CNTN5: variants seen among roughly 807,000 people sequenced by gnomAD.
CNTN5 encodes the protein contactin 5.
CNTN5 carries 77 observed loss-of-function variants against 129.1 expected under a neutral mutation model. The observed-to-expected ratio is 0.60, with a 90% confidence interval of 0.50 to 0.72. The LOEUF (loss-of-function observed/expected upper bound fraction) is 0.72, where lower values mean the gene tolerates loss of function less well. CNTN5 is among the 30% of genes least tolerant of loss of function. The pLI, the probability that CNTN5 is intolerant of heterozygous loss-of-function variation, is 0.00. For missense variants in CNTN5, 1,478 were observed against 1,328.8 expected (o/e 1.11, Z -1.75); for synonymous variants, 509 against 465.6 (o/e 1.09, Z -1.20).
At chr11:99,108,362 G>A (rs939931028) in intron 1 of CNTN5, among the ~76,000 whole-genome samples, 1 of 152,040 alleles carries the variant, frequency 6.6e-6, no homozygotes, top group Admixed American at 6.5e-5. Flanking sequence ...CCTCTCCTTG[G>A]TTATTTTATT....
intron 1 of CNTN5, among the ~76,000 whole-genome samples, chr11:99,263,294 C>G (rs577435612): frequency 9.9e-5 from 15 of 152,134 alleles, no homozygotes; most frequent in Admixed American, 9.8e-4. Flanking sequence ...AAAAACTATC[C>G]TTTTGAAAAG....
intron 24 of CNTN5, among the ~76,000 whole-genome samples, chr11:100,354,881 G>T (rs540110414): frequency 6.6e-6 from 1 of 151,672 alleles, no homozygotes; most frequent in Non-Finnish European, 1.5e-5. Flanking sequence ...TAAAAAAATG[G>T]TATACCTCTA....
At chr11:99,411,016 T>C (rs1346893960) in intron 2 of CNTN5, among the ~76,000 whole-genome samples, 2 of 152,238 alleles carry the variant, frequency 1.3e-5, no homozygotes, top group African/African-American at 4.8e-5. Context: ...AGAGATTATC[T>C]GAACTTTCAT....
intron 14 of CNTN5, among the ~76,000 whole-genome samples, chr11:100,191,894 T>G (rs988120355): frequency 6.6e-6 from 1 of 152,024 alleles, no homozygotes; most frequent in Admixed American, 6.6e-5. Context: ...AAAACCTATC[T>G]TAGGCAGTCC....
chr11:100,258,264 G>A (rs945525155), intron 17 of CNTN5, among the ~76,000 whole-genome samples: 78 of 152,062 alleles, frequency 5.1e-4, no homozygotes, highest in African/African-American at 1.9e-3. Flanking sequence ...AACAAACAAA[G>A]CCTCCAGCAA....
At chr11:99,185,724 AGT>A (rs1858311906) in intron 1 of CNTN5, among the ~76,000 whole-genome samples, 2 of 151,828 alleles carry the variant, frequency 1.3e-5, no homozygotes, top group Admixed American at 6.6e-5. Flanking sequence ...TGGAGCTGAA[AGT>A]GTATATTTTT....
intron 21 of CNTN5, among the ~76,000 whole-genome samples, chr11:100,335,827 T>C (rs1343673616): frequency 1.3e-5 from 2 of 152,088 alleles, no homozygotes; most frequent in East Asian, 1.9e-4. Flanking sequence ...ACAGGTATTA[T>C]ATGAGTCAGA....
At chr11:99,072,783 G>A (rs1221487728) in intron 1 of CNTN5, among the ~76,000 whole-genome samples, 1 of 152,068 alleles carries the variant, frequency 6.6e-6, no homozygotes, top group Non-Finnish European at 1.5e-5. Flanking sequence ...ACCATTCAAT[G>A]AATGTTTACA....
At chr11:100,191,095 G>GAA (rs3031278) in intron 13 of CNTN5, 31 bp from the exon 14 acceptor site, 389,302 of 1,451,790 alleles carry the variant, frequency 0.27, 31,629 homozygotes, top group East Asian at 0.45. Context: ...CAGTAAAACA[G>GAA]AAAAAAAAAC....
intron 1 of CNTN5, among the ~76,000 whole-genome samples, chr11:99,045,823 C>T (rs1864181743): frequency 1.3e-5 from 2 of 152,062 alleles, no homozygotes; most frequent in South Asian, 4.2e-4. Context: ...CCATTGAAAA[C>T]CAGTGGTAAC....
rs369643416 is a variant in CNTN5 at position 99,819,567 on chromosome 11, C to G, written c.79C>G (p.Leu27Val). Reference sequence around the variant, plus strand: ...AGAGTATTCAAAATCTCTTCCTGGTCTCTCCACTTCATATGCTGCTTTGTT... The same window carrying G: ...AGAGTATTCAAAATCTCTTCCTGGTGTCTCCACTTCATATGCTGCTTTGTT... ...LSEYSKSLPG[L>V]STSYAALLRI... Residue 27 changes from leucine to valine, a missense_variant, in exon 4 of 25, where the codon CTC becomes GTC. Physicochemically the swap from Leu to Val is conservative, Grantham distance 32. Coordinates refer to ENST00000524871, the MANE Select transcript of CNTN5 (RefSeq NM_014361.4). The G allele has an allele frequency of 2.5e-6, 4 of 1,612,348 alleles. No individual in the cohort carries two copies. The East Asian group carries it at 6.7e-5, about 27-fold the overall frequency.
chr11:100,284,966 A>C (rs1260229344), intron 18 of CNTN5, among the ~76,000 whole-genome samples: 2 of 152,216 alleles, frequency 1.3e-5, no homozygotes, highest in African/African-American at 4.8e-5. Context: ...GGACATAGGC[A>C]GGAAGTATGT....
chr11:99,305,061 T>C (rs1328602011), intron 1 of CNTN5, among the ~76,000 whole-genome samples: 2 of 152,114 alleles, frequency 1.3e-5, no homozygotes, highest in Admixed American at 1.3e-4. Context: ...TACAGAACAA[T>C]GTCAAAGTGG....
At chr11:100,013,161 A>C (rs1245109114) in intron 9 of CNTN5, among the ~76,000 whole-genome samples, 1 of 152,136 alleles carries the variant, frequency 6.6e-6, no homozygotes, top group Non-Finnish European at 1.5e-5. Flanking sequence ...TATGCTGTGG[A>C]GTAATAGTCA....
At chr11:99,768,323 TATA>T (rs1205758559) in intron 3 of CNTN5, among the ~76,000 whole-genome samples, 3 of 152,126 alleles carry the variant, frequency 2.0e-5, no homozygotes, top group African/African-American at 7.2e-5. Flanking sequence ...TGTCTGATAT[TATA>T]ATACTTCAGC....
chr11:100,077,036 A>G (rs1024315480), intron 13 of CNTN5, among the ~76,000 whole-genome samples: 87 of 152,184 alleles, frequency 5.7e-4, no homozygotes, highest in African/African-American at 2.0e-3. Context: ...TATGACTAGA[A>G]ACTTAACAAT....
At chr11:99,427,861 T>C (rs1021808483) in intron 2 of CNTN5, among the ~76,000 whole-genome samples, 1 of 151,606 alleles carries the variant, frequency 6.6e-6, no homozygotes, top group African/African-American at 2.4e-5. Context: ...TTTTAAACAA[T>C]TATTTTGTGT....
At chr11:99,450,604 A>G (rs763429158) in intron 2 of CNTN5, among the ~76,000 whole-genome samples, 1 of 152,146 alleles carries the variant, frequency 6.6e-6, no homozygotes, top group Non-Finnish European at 1.5e-5. Flanking sequence ...ACAATGAAAG[A>G]GTTAGAATTC....
intron 2 of CNTN5, among the ~76,000 whole-genome samples, chr11:99,372,678 T>A (rs1939895771): frequency 6.6e-6 from 1 of 152,224 alleles, no homozygotes; most frequent in African/African-American, 2.4e-5. Context: ...ACGCACTTTT[T>A]TTCTTTATTA....
Sources: gnomAD v4.1 joint callset for allele counts (sites outside exome capture counted in the v4.1 genomes callset) on GRCh38, gnomAD v4.1.1 for gene constraint, MANE v1.5 for transcripts, NCBI Gene and HGNC (gene_info 2026-07-23, HGNC 2026-07-21) for gene names.